The following GRM8 variants were observed in gnomAD, a reference collection of about 807,000 sequenced individuals.
The protein encoded by GRM8 is glutamate metabotropic receptor 8.
Under a neutral mutation model 87.2 loss-of-function variants are expected in GRM8, and 47 were observed. That is an observed-to-expected ratio of 0.54 (90% CI 0.43 to 0.69). The LOEUF (loss-of-function observed/expected upper bound fraction) is 0.69. Ranked by LOEUF, GRM8 falls within the 30% of genes least tolerant of loss-of-function variation. The pLI is 0.00. For missense variants in GRM8, 1,019 were observed against 1,139.2 expected, an observed-to-expected ratio of 0.89 and a Z score of 1.52; for synonymous variants, 396 against 404.5, an observed-to-expected ratio of 0.98 and a Z score of 0.25.
intron 3 of GRM8, among the ~76,000 whole-genome samples, chr7:127,097,175 T>A (rs1478499620): frequency 1.3e-5 from 2 of 151,736 alleles, no homozygotes; most frequent in African/African-American, 4.8e-5. Context: ...TACCACAGAG[T>A]TAAGCGCAGG....
intron 8 of GRM8, among the ~76,000 whole-genome samples, chr7:126,555,746 G>A (rs568793897): frequency 6.6e-6 from 1 of 152,276 alleles, no homozygotes. Flanking sequence ...TTCAGTGTTT[G>A]TTTACTTGTA....
intron 3 of GRM8, among the ~76,000 whole-genome samples, chr7:127,079,411 C>T (rs17863206): frequency 0.26 from 39,647 of 152,144 alleles, 5,990 homozygotes; most frequent in Non-Finnish European, 0.35. Context: ...CGTGAGCCAC[C>T]ACGCCCAGCC....
intron 6 of GRM8, among the ~76,000 whole-genome samples, chr7:126,825,488 G>A (rs1182521302): frequency 6.6e-6 from 1 of 152,144 alleles, no homozygotes; most frequent in Non-Finnish European, 1.5e-5. Context: ...GACTTGCTCA[G>A]GGTCAAAAGC....
intron 3 of GRM8, among the ~76,000 whole-genome samples, chr7:126,915,027 G>A (rs1563312628): frequency 6.6e-6 from 1 of 152,246 alleles, no homozygotes. Flanking sequence ...GAGAGATGCT[G>A]TGATCTGGAG....
At chr7:127,031,691 A>T (rs2132307206) in intron 3 of GRM8, among the ~76,000 whole-genome samples, 1 of 152,278 alleles carries the variant, frequency 6.6e-6, no homozygotes, top group African/African-American at 2.4e-5. Context: ...TTTTCTTCAT[A>T]AAAAAATCAT....
rs145725440 is a variant in GRM8 at position 126,774,815 on chromosome 7, A to C, written c.1157-4750T>G. On this transcript the variant is annotated intron_variant, in intron 6 of 10. Transcript: ENST00000339582. ...AGCCTAAGAGAAATTTCAGACTTTG[A>C]TGCATTGTGGTTGCAAAGCATTGCT... is the stretch of plus-strand genomic sequence containing the variant. 3.9e-5 allele frequency among the ~76,000 whole-genome samples: 6 copies of C among 152,248 alleles called. No homozygotes were observed. The East Asian group carries it at 1.2e-3, about 29-fold the overall frequency.
intron 7 of GRM8, among the ~76,000 whole-genome samples, chr7:126,741,826 T>A (rs993338549): frequency 5.9e-5 from 9 of 152,038 alleles, no homozygotes; most frequent in African/African-American, 2.2e-4. Flanking sequence ...TGGATGCAAA[T>A]CCCAATGCTG....
At chr7:126,465,346 T>TATAC (rs1554441424) in intron 9 of GRM8, 2 of 148,970 alleles carry the variant, frequency 1.3e-5, no homozygotes, top group East Asian at 4.0e-4. Context: ...CAGTTTTCGA[T>TATAC]ACACACACAC....
At chr7:127,190,945 A>G (rs1048132052) in intron 2 of GRM8, among the ~76,000 whole-genome samples, 3 of 152,200 alleles carry the variant, frequency 2.0e-5, no homozygotes, top group Non-Finnish European at 2.9e-5. Context: ...ATGAGCTACT[A>G]AAAGCTTTGA....
At chr7:126,513,187 T>C (rs1247723294) in intron 9 of GRM8, among the ~76,000 whole-genome samples, 3 of 152,118 alleles carry the variant, frequency 2.0e-5, no homozygotes, top group Non-Finnish European at 4.4e-5. Context: ...AATAAAGCTC[T>C]TGTTTTTAAA....
At chr7:126,659,784 T>C (rs1369963564) in intron 7 of GRM8, among the ~76,000 whole-genome samples, 1 of 152,342 alleles carries the variant, frequency 6.6e-6, no homozygotes. Context: ...CAAATAAAAG[T>C]GTGGATTGAT....
chr7:126,751,846 A>G (rs1269548110), intron 7 of GRM8, among the ~76,000 whole-genome samples: 2 of 152,170 alleles, frequency 1.3e-5, no homozygotes, highest in African/African-American at 4.8e-5. Flanking sequence ...ATCTTTGGTC[A>G]GCCACTGTAT....
intron 2 of GRM8, among the ~76,000 whole-genome samples, chr7:127,240,238 T>A (rs113885539): frequency 2.6e-5 from 4 of 151,890 alleles, no homozygotes. Flanking sequence ...AGAAGCCAGA[T>A]CCCCGCTGCA....
intron 2 of GRM8, among the ~76,000 whole-genome samples, chr7:127,127,068 ACC>A (rs1255213907): frequency 1.3e-5 from 2 of 152,036 alleles, no homozygotes; most frequent in Non-Finnish European, 2.9e-5. Flanking sequence ...AACTGACAAT[ACC>A]AAGTAGGGCA....
At chr7:127,105,365 C>T (rs924363839) in intron 3 of GRM8, 6 of 152,206 alleles carry the variant, frequency 3.9e-5, no homozygotes, top group African/African-American at 1.4e-4. Flanking sequence ...GCCTTTCATA[C>T]ATTTTCTGCA....
At chr7:126,900,082 A>G (rs1286250516) in intron 6 of GRM8, among the ~76,000 whole-genome samples, 1 of 151,868 alleles carries the variant, frequency 6.6e-6, no homozygotes. Flanking sequence ...ATCACTCCTC[A>G]TCTTTTCTCA....
chr7:126,439,042 G>A lies in GRM8; in HGVS notation c.*77C>T, dbSNP rs1009623326. The A allele has an allele frequency of 1.8e-5, 15 of 846,806 alleles. No homozygotes were observed. The African/African-American group carries it at 2.3e-4, about 13-fold the overall frequency. 52.5% of individuals were successfully genotyped at this position (846,806 alleles called of 1,614,324 possible). A position where few individuals can be genotyped will look rare whatever the true frequency, so the allele number is the denominator to read the frequency against. ...GATTGTAGTCTACGGAGATCTCCAG[G>A]AGTGAATTTTTGCGGTCTCATGTTC... On this transcript the variant is annotated 3_prime_UTR_variant, in exon 11 of 11. Transcript: ENST00000339582.
intron 7 of GRM8, among the ~76,000 whole-genome samples, chr7:126,622,313 T>A (rs924677058): frequency 6.6e-6 from 1 of 152,094 alleles, no homozygotes; most frequent in Non-Finnish European, 1.5e-5. Context: ...TGCTCTGCAA[T>A]CCTATCACAC....
In GRM8 at chr7:127,174,489, C is replaced by T. The variant is rs531001207; in HGVS notation, c.511-67777G>A. On this transcript the variant is annotated intron_variant, in intron 2 of 10. Transcript: ENST00000339582. Reference sequence around the variant, plus strand: ...GTCTCCTGGTAGCCTAATTGGTCCTCTTGGTCCTCAAATTCTCTTTTTTAA... The same window carrying T: ...GTCTCCTGGTAGCCTAATTGGTCCTTTTGGTCCTCAAATTCTCTTTTTTAA... Among the ~76,000 whole-genome samples, 19 of 152,322 alleles carry T rather than the reference C, an allele frequency of 1.2e-4. No individual in the cohort carries two copies. In the South Asian group the frequency reaches 3.9e-3, roughly 32 times the overall value.
Sources: gnomAD v4.1 joint callset for allele counts (sites outside exome capture counted in the v4.1 genomes callset) on GRCh38, gnomAD v4.1.1 for gene constraint, MANE v1.5 for transcripts, NCBI Gene and HGNC (gene_info 2026-07-23, HGNC 2026-07-21) for gene names.